The following RAD50 variants were observed in gnomAD, a reference collection of about 807,000 sequenced individuals.
RAD50 encodes RAD50 double strand break repair protein.
A neutral mutation model predicts 168.8 loss-of-function variants in RAD50; 132 were observed. The ratio of observed to expected loss-of-function variants is 0.78; its 90% confidence interval spans 0.68 to 0.90. The LOEUF (loss-of-function observed/expected upper bound fraction) is 0.90, where lower values mean the gene tolerates loss of function less well. RAD50 is among the 40% of genes least tolerant of loss of function. The pLI, the probability that RAD50 is intolerant of heterozygous loss-of-function variation, is 0.00. For missense variants in RAD50, 1,347 were observed against 1,534.4 expected (o/e 0.88, Z 2.04); for synonymous variants, 525 against 497.4 (o/e 1.06, Z -0.74).
rs776534991 is a variant in RAD50, at chr5:132,644,674, T to TGAA, written c.*2313_*2315dup. On this transcript the variant is annotated 3_prime_UTR_variant, in exon 25 of 25. Transcript: ENST00000378823. ...AGCTTGGTCACTCCCTCTTATTTGT[T>TGAA]GAAGAGTTTAGCTCCCGGTTCAGTG... is the stretch of plus-strand genomic sequence containing the variant. 1 of 173,560 alleles carries TGAA rather than the reference T, an allele frequency of 5.8e-6. No individual in the cohort carries two copies. Among genetic ancestry groups the TGAA allele is most frequent in the Non-Finnish European group, 1.2e-5 (1 of 80,242 alleles). 10.8% of individuals were successfully genotyped at this position (173,560 alleles called of 1,614,324 possible).
intron 3 of RAD50, among the ~76,000 whole-genome samples, chr5:132,578,524 C>CTTTTTTT (rs903882684): frequency 3.4e-4 from 29 of 84,336 alleles, no homozygotes; most frequent in South Asian, 8.2e-4. Flanking sequence ...TTTTTTCTTT[C>CTTTTTTT]TTTTTTTTTT....
At chr5:132,586,283 T>C (rs1405820900) in intron 5 of RAD50, among the ~76,000 whole-genome samples, 1 of 152,226 alleles carries the variant, frequency 6.6e-6, no homozygotes, top group Non-Finnish European at 1.5e-5. Context: ...TCTCCCAATC[T>C]TAACTATACA....
chr5:132,610,995 G>GT (rs2149850669), intron 19 of RAD50, among the ~76,000 whole-genome samples: 1 of 152,284 alleles, frequency 6.6e-6, no homozygotes, highest in African/African-American at 2.4e-5. Flanking sequence ...GGGAAAACAA[G>GT]GCAGTGTAGA....
At position 132,616,056 on chromosome 5, in the gene RAD50, A is replaced by T; in HGVS notation, c.3090A>T (p.Glu1030Asp). The T allele has an allele frequency of 6.2e-7, 1 of 1,609,064 alleles. No homozygotes were observed. The highest frequency in any genetic ancestry group is 1.3e-5 in the African/African-American group (1 of 74,934). ...DNLTLRKRNE[E>D]LKEVEEERKQ... ...TTACTTTAAGAAAAAGAAATGAGGA[A>T]CTAAAAGAAGTTGAAGAAGAAAGAA... The change falls in exon 20 of 25, where the codon GAA becomes GAT. Residue 1030 changes from glutamate to aspartate, a missense_variant. Physicochemically the swap from Glu to Asp is conservative, Grantham distance 45. Coordinates refer to ENST00000378823, the MANE Select transcript of RAD50 (RefSeq NM_005732.4).
chr5:132,606,981 G>A (rs1026242431), intron 16 of RAD50, among the ~76,000 whole-genome samples: 1 of 152,132 alleles, frequency 6.6e-6, no homozygotes, highest in Non-Finnish European at 1.5e-5. Context: ...AAAATAATAC[G>A]AGCTATTTAT....
Position 132,579,849 on chromosome 5 carries a change from C to A in RAD50, c.552-13C>A. 2 of 1,599,228 alleles carry A rather than the reference C, an allele frequency of 1.3e-6. No individual in the cohort carries two copies. The highest frequency in any genetic ancestry group is 1.7e-6 in the Non-Finnish European group (2 of 1,167,076). On this transcript the variant is annotated splice_polypyrimidine_tract_variant and intron_variant, in intron 4 of 24. Coordinates refer to ENST00000378823, the MANE Select transcript of RAD50 (RefSeq NM_005732.4). ...TTTGCCAGAAATTTGATTTTTGTTT[C>A]ATATCTTCAAAGATACATTAAAGCC...
intron 2 of RAD50, among the ~76,000 whole-genome samples, chr5:132,566,396 C>T (rs1008688788): frequency 1.3e-5 from 2 of 152,214 alleles, no homozygotes; most frequent in Non-Finnish European, 2.9e-5. Context: ...TGGATTAAAC[C>T]TTCAGCAGAA....
rs181269723 is a variant in RAD50, at chr5:132,610,927, A to G, written c.3036+1531A>G. The stretch of plus-strand genomic sequence containing the variant: ...TTTACTTTGTAACCTTCCTTGTTCC[A>G]GAAATTATTTACTTAGTTATATACA... On this transcript the variant is annotated intron_variant, in intron 19 of 24. Transcript: ENST00000378823. 3.0e-3 allele frequency among the ~76,000 whole-genome samples: 460 copies of G among 152,330 alleles called. 3 individuals are homozygous for G. The highest frequency in any genetic ancestry group is 0.027 in the Middle Eastern group (8 of 294).
chr5:132,588,765 A>G lies in RAD50; in HGVS notation c.1130A>G (p.Gln377Arg), dbSNP rs1193852597. 1.9e-6 allele frequency: 3 copies of G among 1,613,922 alleles called. No homozygotes were observed. Among genetic ancestry groups the G allele is most frequent in the Non-Finnish European group, 2.5e-6 (3 of 1,179,912 alleles). Residue 377 changes from glutamine (Q) to arginine (R), a missense_variant, in exon 8 of 25, where the codon CAG (glutamine) becomes CGG (arginine). Transcript: ENST00000378823. ...TCATTAATTCAGTCTTTGGCAACACAGCTAGAATTGGATGGCTTTGAGCGT... is the reference window on the plus strand; with the variant it reads ...TCATTAATTCAGTCTTTGGCAACACGGCTAGAATTGGATGGCTTTGAGCGT... ...RDSLIQSLAT[Q>R]LELDGFERGP... is the part of the protein sequence containing the mutation.
At chr5:132,580,329 C>T (rs1251774442) in intron 5 of RAD50, among the ~76,000 whole-genome samples, 1 of 151,960 alleles carries the variant, frequency 6.6e-6, no homozygotes, top group Non-Finnish European at 1.5e-5. Flanking sequence ...AGCATTCTCC[C>T]CTTATTTGTA....
chr5:132,644,524 T>C lies in RAD50; in HGVS notation c.*2160T>C, dbSNP rs1751809386. On this transcript the variant is annotated 3_prime_UTR_variant, in exon 25 of 25. Coordinates refer to ENST00000378823, the MANE Select transcript of RAD50 (RefSeq NM_005732.4). ...AAATGGTACATATTTTGTAGGGTTG[T>C]TATGAAGATTGAATGACATTATTTA... 5.5e-6 allele frequency: 1 copy of C among 181,224 alleles called. No homozygotes were observed. The highest frequency in any genetic ancestry group is 6.3e-5 in the Admixed American group (1 of 15,940). The allele number at this position is 181,224 out of a possible 1,614,324, so 11.2% of individuals were successfully genotyped here.
intron 21 of RAD50, 21 bp from the exon 22 acceptor site, chr5:132,637,093 TA>T: frequency 1.3e-6 from 2 of 1,591,050 alleles, no homozygotes; most frequent in Non-Finnish European, 1.7e-6. Flanking sequence ...ATATATGAAG[TA>T]CCAATGACTT....
intron 20 of RAD50, among the ~76,000 whole-genome samples, chr5:132,616,606 G>A (rs1331797919): frequency 1.3e-5 from 2 of 152,084 alleles, no homozygotes; most frequent in South Asian, 4.2e-4. Flanking sequence ...TCCTTTATCT[G>A]GTCTTATTGT....
intron 5 of RAD50, among the ~76,000 whole-genome samples, chr5:132,585,735 C>G (rs1033409225): frequency 1.5e-4 from 23 of 151,958 alleles, no homozygotes; most frequent in African/African-American, 5.6e-4. Context: ...TCCCACGTAG[C>G]TGGGACTACA....
intron 3 of RAD50, among the ~76,000 whole-genome samples, chr5:132,578,849 A>G (rs1373104727): frequency 6.6e-6 from 1 of 152,106 alleles, no homozygotes; most frequent in Non-Finnish European, 1.5e-5. Context: ...TTTTCAAAAT[A>G]CAAATTGAAA....
intron 19 of RAD50, among the ~76,000 whole-genome samples, chr5:132,610,945 T>C (rs1751072816): frequency 6.6e-6 from 1 of 152,202 alleles, no homozygotes; most frequent in African/African-American, 2.4e-5. Flanking sequence ...TTTACTTAGT[T>C]ATATACAATA....
intron 2 of RAD50, among the ~76,000 whole-genome samples, chr5:132,563,059 A>G (rs963359572): frequency 6.6e-6 from 1 of 152,250 alleles, no homozygotes; most frequent in African/African-American, 2.4e-5. Context: ...GAGAAAAGAT[A>G]AAGAAGTGAA....
chr5:132,590,588 A>G (rs1750681258), intron 9 of RAD50, among the ~76,000 whole-genome samples: 1 of 152,124 alleles, frequency 6.6e-6, no homozygotes, highest in Admixed American at 6.5e-5. Flanking sequence ...TGTGTTAAAA[A>G]CTTTCTTAGC....
At position 132,592,961 on chromosome 5, in the gene RAD50, T is replaced by C. The variant is rs1370413940; in HGVS notation, c.1793+927T>C. 3.5e-5 allele frequency: 16 copies of C among 460,872 alleles called. No homozygotes were observed. In the East Asian group the frequency reaches 1.1e-3, roughly 30 times the overall value. The allele number at this position is 460,872 out of a possible 1,614,324, so 28.5% of individuals were successfully genotyped here. ...GTCAGAATTGTGTAACCTGAATCAATTGAGGTGTCTATGGTGTTGGCTATT... is the reference window on the plus strand; with the variant it reads ...GTCAGAATTGTGTAACCTGAATCAACTGAGGTGTCTATGGTGTTGGCTATT... On this transcript the variant is annotated intron_variant, in intron 11 of 24. Coordinates refer to ENST00000378823, the MANE Select transcript of RAD50 (RefSeq NM_005732.4).
Sources: allele counts gnomAD v4.1 joint callset (sites outside exome capture counted in the v4.1 genomes callset), GRCh38; gene constraint gnomAD v4.1.1; transcripts MANE v1.5; gene names NCBI Gene and HGNC (gene_info 2026-07-23, HGNC 2026-07-21).